Variants in SFXN4 observed in about 807,000 individuals in gnomAD.
The protein encoded by SFXN4 is sideroflexin-4.
SFXN4 carries 48 observed loss-of-function variants against 54.6 expected under a neutral mutation model. The ratio of observed to expected loss-of-function variants is 0.88; its 90% CI spans 0.70 to 1.12. The LOEUF is 1.12. Ranked by LOEUF, SFXN4 falls within the 50% of genes most tolerant of loss-of-function variation. The probability of loss-of-function intolerance (pLI) is 0.00; values close to 1 mark genes in which losing one functional copy is unlikely to be tolerated. For synonymous variants in SFXN4, 130 were observed against 145.5 expected (o/e 0.89, Z 0.77); for missense variants, 383 against 409.2 (o/e 0.94, Z 0.55).
At chr10:119,158,370 C>G (rs1215743906) in intron 6 of SFXN4, among the ~76,000 whole-genome samples, 1 of 152,102 alleles carries the variant, frequency 6.6e-6, no homozygotes, top group Non-Finnish European at 1.5e-5. Context: ...CCTATAATCC[C>G]AGCACTTTGG....
At chr10:119,164,062 AAAG>A in intron 2 of SFXN4, 66 bp downstream of exon 2, 4 of 875,102 alleles carry the variant, frequency 4.6e-6, no homozygotes, top group East Asian at 5.6e-5. Context: ...AAAAAAAAAA[AAAG>A]GGACACACAG....
At chr10:119,161,132 A>G in intron 3 of SFXN4, 51 bp from the exon 4 acceptor site, 3 of 1,596,630 alleles carry the variant, frequency 1.9e-6, no homozygotes, top group Middle Eastern at 3.4e-4. Flanking sequence ...TTTTTTTAAG[A>G]GACAAGGTCT....
chr10:119,148,369 C>T (rs967702297), intron 11 of SFXN4, among the ~76,000 whole-genome samples: 1 of 152,092 alleles, frequency 6.6e-6, no homozygotes, highest in Admixed American at 6.5e-5. Flanking sequence ...ATAGCTGGCA[C>T]CGTCTGCCAA....
rs1443930708 is a variant in SFXN4 at position 119,162,389 on chromosome 10, A to C, written c.203T>G (p.Leu68Arg). ...SVESIENSRQ[L>R]LCTNEDVSSP... ...GGAAACATCTTCATTTGTGCACAAT[A>C]GTTGCCTCGAGTTTTCTATACTTTC... The change falls in exon 3 of 14, where the codon CTA becomes CGA. Residue 68 changes from leucine to arginine, a missense_variant. Leu to Arg is a moderately radical substitution (Grantham distance 102). Transcript: ENST00000355697. 1 of 1,614,110 alleles carries C rather than the reference A, an allele frequency of 6.2e-7. No homozygotes were observed. The highest frequency in any genetic ancestry group is 2.2e-5 in the East Asian group (1 of 44,888).
At chr10:119,142,549 T>C (rs1341254429) in intron 13 of SFXN4, among the ~76,000 whole-genome samples, 1 of 141,598 alleles carries the variant, frequency 7.1e-6, no homozygotes, top group African/African-American at 2.6e-5. Flanking sequence ...TTTGTGTCTT[T>C]TTTTTTTTTT....
At chr10:119,163,654 C>T (rs1338317731) in intron 2 of SFXN4, among the ~76,000 whole-genome samples, 1 of 151,936 alleles carries the variant, frequency 6.6e-6, no homozygotes, top group Non-Finnish European at 1.5e-5. Context: ...CCACCCACCT[C>T]GGCCTCCCAA....
At chr10:119,151,874 G>T (rs1448400564) in intron 11 of SFXN4, among the ~76,000 whole-genome samples, 2 of 152,072 alleles carry the variant, frequency 1.3e-5, no homozygotes, top group Non-Finnish European at 2.9e-5. Context: ...GAGTACAGTG[G>T]TGTGATAATA....
rs745943909 is a variant in SFXN4, at chr10:119,155,031, C to T, written c.732+31G>A. 1.3e-5 allele frequency: 20 copies of T among 1,501,540 alleles called. No individual in the cohort carries two copies. In the South Asian group the frequency reaches 2.3e-4, roughly 17 times the overall value. The allele number at this position is 1,501,540 out of a possible 1,614,324, so 93.0% of individuals were successfully genotyped here. On this transcript the variant is annotated intron_variant, in intron 11 of 13. Coordinates refer to ENST00000355697, the MANE Select transcript of SFXN4 (RefSeq NM_213649.2). ...AAAAGTCTAGTCGTTGCCCAAAAGGCAAGCAGCTATAGCTTCATCCTGTCT... is the reference window on the plus strand; with the variant it reads ...AAAAGTCTAGTCGTTGCCCAAAAGGTAAGCAGCTATAGCTTCATCCTGTCT...
chr10:119,159,892 T>G, intron 5 of SFXN4, 139 bp from the exon 6 acceptor site: 1 of 870,196 alleles, frequency 1.1e-6, no homozygotes, highest in Non-Finnish European at 1.9e-6. Flanking sequence ...CCACTCATTC[T>G]TTGTTTTTCT....
intron 6 of SFXN4, among the ~76,000 whole-genome samples, chr10:119,159,298 A>C (rs983149358): frequency 6.6e-6 from 1 of 151,868 alleles, no homozygotes; most frequent in African/African-American, 2.4e-5. Flanking sequence ...AAAAAAACCC[A>C]AAAAACCAAA....
chr10:119,146,274 C>G lies in SFXN4; in HGVS notation c.898G>C (p.Val300Leu). 1 of 1,612,836 alleles carries G rather than the reference C, an allele frequency of 6.2e-7. No homozygotes were observed. The highest frequency in any genetic ancestry group is 1.1e-5 in the South Asian group (1 of 90,824). ...SCTVLAMGLMVPFSFSIFPQI... is the reference protein window; with the variant it reads ...SCTVLAMGLMLPFSFSIFPQI... ...GGAAATATACTAAAAGAAAATGGCA[C>G]CATCAGTCCCATTGCCAGGACAGTA... Residue 300 changes from valine (V) to leucine (L), a missense_variant, in exon 13 of 14, where the codon GTG (valine) becomes CTG (leucine). By Grantham distance (32) the Val-to-Leu change is conservative. Transcript: ENST00000355697.
chr10:119,149,495 A>G (rs1846962950), intron 11 of SFXN4, among the ~76,000 whole-genome samples: 2 of 152,314 alleles, frequency 1.3e-5, no homozygotes, highest in South Asian at 4.1e-4. Context: ...CATGCTTATA[A>G]TCCCAACACT....
intron 2 of SFXN4, among the ~76,000 whole-genome samples, chr10:119,163,509 G>A (rs1380024188): frequency 1.3e-5 from 2 of 151,880 alleles, no homozygotes; most frequent in East Asian, 1.9e-4. Context: ...AAAGTGATTC[G>A]CCCACCTCAA....
At chr10:119,162,471 C>G in intron 2 of SFXN4, 57 bp from the exon 3 acceptor site, 1 of 1,458,540 alleles carries the variant, frequency 6.9e-7, no homozygotes, top group South Asian at 1.2e-5. Context: ...AGGTTTATCC[C>G]CAGAGGTAGG....
At position 119,148,943 on chromosome 10, in the gene SFXN4, G is replaced by A. The variant is rs191932886; in HGVS notation, c.733-1083C>T. 1.2e-4 allele frequency among the ~76,000 whole-genome samples: 18 copies of A among 152,204 alleles called. No individual in the cohort carries two copies. In the East Asian group the frequency reaches 2.3e-3, roughly 20 times the overall value. On this transcript the variant is annotated intron_variant, in intron 11 of 13. Transcript: ENST00000355697. Reference sequence around the variant, plus strand: ...ACTCTGTCATCCAGGCTGGAGTACAGTAGCGTGATCACGGCTCACTGCAGT... The same window carrying A: ...ACTCTGTCATCCAGGCTGGAGTACAATAGCGTGATCACGGCTCACTGCAGT...
At position 119,146,337 on chromosome 10, in the gene SFXN4, T is replaced by C. The variant is rs1303424369; in HGVS notation, c.835A>G (p.Lys279Glu). Residue 279 changes from lysine (K) to glutamate (E), a missense_variant, in exon 13 of 14, where the codon AAA becomes GAA. Transcript: ENST00000355697. ...AAAATCCACAATGACCCTGGGTTTTTCCTGAAATACTGGGTCCTGTAAGAG... is the reference window on the plus strand; with the variant it reads ...AAAATCCACAATGACCCTGGGTTTTCCCTGAAATACTGGGTCCTGTAAGAG... ...YFFKRTQYFR[K>E]NPGSLWILKL... The C allele has an allele frequency of 6.2e-7, 1 of 1,610,750 alleles. No homozygotes were observed. The highest frequency in any genetic ancestry group is 8.5e-7 in the Non-Finnish European group (1 of 1,177,154).
chr10:119,157,730 A>C lies in SFXN4; in HGVS notation c.475T>G (p.Cys159Gly). ...NSINGNRSYT[C>G]KPLERSLLMA... ...AGTAATGATCTTTCTAGTGGCTTAC[A>C]AGTCTAAGGAGAAACAAAAGTACTT... The change falls in exon 9 of 14, where the codon TGT becomes GGT. Residue 159 changes from cysteine to glycine, a missense_variant. Coordinates refer to ENST00000355697, the MANE Select transcript of SFXN4 (RefSeq NM_213649.2). 1.9e-6 allele frequency: 3 copies of C among 1,608,840 alleles called. No individual in the cohort carries two copies.
intron 13 of SFXN4, among the ~76,000 whole-genome samples, chr10:119,145,111 C>T (rs1185192106): frequency 6.6e-6 from 1 of 151,928 alleles, no homozygotes; most frequent in Non-Finnish European, 1.5e-5. Flanking sequence ...ACAATTAACC[C>T]TTGAATAATG....
At chr10:119,149,012 G>A (rs78906974) in intron 11 of SFXN4, among the ~76,000 whole-genome samples, 2 of 151,976 alleles carry the variant, frequency 1.3e-5, no homozygotes, top group South Asian at 4.2e-4. Context: ...TTAGCCTCCC[G>A]AGTAGCCAGG....
Sources: gnomAD v4.1 joint callset for allele counts (sites outside exome capture counted in the v4.1 genomes callset) on GRCh38, gnomAD v4.1.1 for gene constraint, MANE v1.5 for transcripts, NCBI Gene and HGNC (gene_info 2026-07-23, HGNC 2026-07-21) for gene names.